The following RAPGEF5 variants were observed in gnomAD, a reference collection of about 807,000 sequenced individuals.
RAPGEF5 encodes Rap guanine nucleotide exchange factor 5, also known as M-Ras-regulated GEF.
Under a neutral mutation model 125.2 loss-of-function variants are expected in RAPGEF5, and 65 were observed. That is an observed-to-expected ratio of 0.52 (90% CI 0.43 to 0.64). RAPGEF5 has a LOEUF of 0.64. RAPGEF5 is among the 30% of genes least tolerant of loss of function. The pLI, the probability that RAPGEF5 is intolerant of heterozygous loss-of-function variation, is 0.00. For missense variants in RAPGEF5, 958 were observed against 1,048.1 expected (o/e 0.91, Z 1.19); for synonymous variants, 391 against 385.9 (o/e 1.01, Z -0.16).
intron 21 of RAPGEF5, among the ~76,000 whole-genome samples, chr7:22,138,031 A>G (rs76984439): frequency 1.9e-4 from 25 of 132,192 alleles, no homozygotes; most frequent in Admixed American, 5.4e-4. Flanking sequence ...ACACACACAC[A>G]CACGCACGCA....
intron 24 of RAPGEF5, among the ~76,000 whole-genome samples, chr7:22,126,796 T>C (rs1484343699): frequency 6.6e-6 from 1 of 151,406 alleles, no homozygotes; most frequent in Admixed American, 6.6e-5. Flanking sequence ...CTAATTTTTG[T>C]ATTTTTAGTA....
At chr7:22,136,818 C>G in intron 22 of RAPGEF5, 115 bp downstream of exon 22, 1 of 873,830 alleles carries the variant, frequency 1.1e-6, no homozygotes, top group Non-Finnish European at 1.8e-6. Context: ...TACAAGTAAA[C>G]TAGTCTAGGC....
At chr7:22,232,892 C>T (rs917069441) in intron 7 of RAPGEF5, among the ~76,000 whole-genome samples, 37 of 152,308 alleles carry the variant, frequency 2.4e-4, no homozygotes, top group African/African-American at 8.9e-4. Context: ...AGAAATTCTT[C>T]TGTTCACGCT....
intron 7 of RAPGEF5, among the ~76,000 whole-genome samples, chr7:22,253,920 G>C (rs897788804): frequency 2.0e-5 from 3 of 152,078 alleles, no homozygotes; most frequent in African/African-American, 7.2e-5. Flanking sequence ...AAAATAAAAA[G>C]TAAAAATTTA....
At chr7:22,127,992 A>G (rs1782801403) in intron 24 of RAPGEF5, among the ~76,000 whole-genome samples, 2 of 152,190 alleles carry the variant, frequency 1.3e-5, no homozygotes. Context: ...TGTATTGTTC[A>G]GTTTCCTTCC....
At chr7:22,162,357 G>A (rs1583431452) in intron 13 of RAPGEF5, 40 bp downstream of exon 13, 2 of 1,516,604 alleles carry the variant, frequency 1.3e-6, no homozygotes, top group African/African-American at 2.8e-5. Flanking sequence ...AATAGAATCA[G>A]TTATTTGGCA....
intron 9 of RAPGEF5, among the ~76,000 whole-genome samples, chr7:22,195,722 A>C (rs1159905699): frequency 6.6e-6 from 1 of 152,166 alleles, no homozygotes; most frequent in Non-Finnish European, 1.5e-5. Flanking sequence ...TTGACCAAAA[A>C]AACCCCCCAA....
Position 22,154,442 on chromosome 7 carries a change from G to GA in RAPGEF5, c.1786+12dup. 6.2e-7 allele frequency: 1 copy of GA among 1,612,966 alleles called. No homozygotes were observed. Among genetic ancestry groups the GA allele is most frequent in the African/African-American group, 1.3e-5 (1 of 75,016 alleles). ...AGTGAAAGATTAATATTCAAGGGTA[G>GA]AAAACAACTTACCCCCAGAGAATGT... On this transcript the variant is annotated intron_variant, in intron 17 of 25. Coordinates refer to ENST00000665637, the MANE Select transcript of RAPGEF5 (RefSeq NM_012294.5).
intron 3 of RAPGEF5, among the ~76,000 whole-genome samples, chr7:22,312,472 G>C (rs375611603): frequency 1.3e-5 from 2 of 152,006 alleles, no homozygotes; most frequent in Admixed American, 6.6e-5. Context: ...GCCTCCCAAA[G>C]TGCTGGGATT....
intron 1 of RAPGEF5, among the ~76,000 whole-genome samples, chr7:22,341,252 T>TA (rs1784123729): frequency 5.3e-5 from 8 of 152,140 alleles, no homozygotes; most frequent in Non-Finnish European, 1.0e-4. Flanking sequence ...ACTCCCCTTT[T>TA]TAAAACCATC....
chr7:22,123,769 G>A (rs868837327), intron 25 of RAPGEF5, among the ~76,000 whole-genome samples: 3 of 152,180 alleles, frequency 2.0e-5, no homozygotes, highest in Admixed American at 6.5e-5. Flanking sequence ...TCTGGAAGAC[G>A]TCGAGAAAGT....
chr7:22,338,840 G>A (rs1220992904), intron 1 of RAPGEF5, among the ~76,000 whole-genome samples: 1 of 152,228 alleles, frequency 6.6e-6, no homozygotes, highest in African/African-American at 2.4e-5. Flanking sequence ...CATGAGCAGG[G>A]CAGAAGAGGC....
At chr7:22,350,546 C>T (rs751346586) in intron 1 of RAPGEF5, among the ~76,000 whole-genome samples, 1 of 152,120 alleles carries the variant, frequency 6.6e-6, no homozygotes, top group Non-Finnish European at 1.5e-5. Context: ...TATGTCATTA[C>T]AGAGGAAGAC....
intron 1 of RAPGEF5, among the ~76,000 whole-genome samples, chr7:22,354,076 A>G (rs1784378813): frequency 6.6e-6 from 1 of 151,990 alleles, no homozygotes; most frequent in Non-Finnish European, 1.5e-5. Context: ...TCTCAGAAAA[A>G]AAACAAAACA....
chr7:22,180,816 G>A (rs866550810), intron 11 of RAPGEF5, among the ~76,000 whole-genome samples: 4 of 152,106 alleles, frequency 2.6e-5, no homozygotes, highest in Admixed American at 6.6e-5. Flanking sequence ...CACTACTGTG[G>A]ATTTCTAGAA....
At position 22,198,666 on chromosome 7, in the gene RAPGEF5, G is replaced by A. The variant is rs372291072; in HGVS notation, c.997-4633C>T. Among the ~76,000 whole-genome samples the A allele has an allele frequency of 1.1e-4, 16 of 152,228 alleles. No individual in the cohort carries two copies. The East Asian group carries it at 2.9e-3, about 28-fold the overall frequency. On this transcript the variant is annotated intron_variant, in intron 9 of 25. Transcript: ENST00000665637. ...CCATATGCAACAAACAGAACCACCA[G>A]GAATGGGCAACTGGGGAGGAATCAG...
At chr7:22,296,464 G>T (rs968001077) in intron 5 of RAPGEF5, among the ~76,000 whole-genome samples, 1 of 152,150 alleles carries the variant, frequency 6.6e-6, no homozygotes, top group Non-Finnish European at 1.5e-5. Flanking sequence ...GGGTAAACAG[G>T]CTGAGGATAG....
At chr7:22,173,983 A>G (rs1327908930) in intron 11 of RAPGEF5, among the ~76,000 whole-genome samples, 1 of 152,108 alleles carries the variant, frequency 6.6e-6, no homozygotes, top group Non-Finnish European at 1.5e-5. Context: ...TGGAAATCTA[A>G]CGGGGTAGCC....
chr7:22,257,021 G>C (rs994404191), intron 7 of RAPGEF5, among the ~76,000 whole-genome samples: 6 of 152,034 alleles, frequency 3.9e-5, no homozygotes, highest in African/African-American at 1.4e-4. Context: ...ACACTGATTG[G>C]CAGTTACTTT....
Sources: gnomAD v4.1 joint callset for allele counts (sites outside exome capture counted in the v4.1 genomes callset) on GRCh38, gnomAD v4.1.1 for gene constraint, MANE v1.5 for transcripts, NCBI Gene and HGNC (gene_info 2026-07-23, HGNC 2026-07-21) for gene names.